Variants in GLCCI1 observed in about 807,000 individuals in gnomAD.
GLCCI1 encodes glucocorticoid-induced transcript 1 protein.
Under a neutral mutation model 52.2 loss-of-function variants are expected in GLCCI1, and 24 were observed. The observed-to-expected ratio is 0.46, with a 90% CI of 0.33 to 0.65. The LOEUF is 0.65. Ranked by LOEUF, GLCCI1 falls within the 30% of genes least tolerant of loss-of-function variation. The pLI is 0.02. For synonymous variants in GLCCI1, 310 were observed against 276.5 expected (o/e 1.12, Z -1.20); for missense variants, 704 against 701.5 (o/e 1.00, Z -0.04).
chr7:8,044,514 G>C (rs1782077636), intron 3 of GLCCI1, among the ~76,000 whole-genome samples: 1 of 151,930 alleles, frequency 6.6e-6, no homozygotes, highest in Non-Finnish European at 1.5e-5. Context: ...GGGACTATAG[G>C]CATATGCCAC....
At chr7:8,072,167 T>G (rs1371693392) in intron 6 of GLCCI1, among the ~76,000 whole-genome samples, 1 of 152,208 alleles carries the variant, frequency 6.6e-6, no homozygotes, top group East Asian at 1.9e-4. Flanking sequence ...AGTAACCACT[T>G]TGCTGACTTC....
At chr7:8,054,531 C>G (rs1312377035) in intron 3 of GLCCI1, among the ~76,000 whole-genome samples, 1 of 152,100 alleles carries the variant, frequency 6.6e-6, no homozygotes, top group Non-Finnish European at 1.5e-5. Context: ...GACCTATATA[C>G]TTTTACCCTT....
At chr7:8,053,537 G>A (rs1397942433) in intron 3 of GLCCI1, among the ~76,000 whole-genome samples, 3 of 146,160 alleles carry the variant, frequency 2.1e-5, no homozygotes, top group Non-Finnish European at 3.0e-5. Context: ...GTTTCGCCAT[G>A]TTGGCCAGGC....
chr7:8,039,033 G>C (rs147826395), intron 3 of GLCCI1, among the ~76,000 whole-genome samples: 45 of 152,180 alleles, frequency 3.0e-4, no homozygotes, highest in African/African-American at 1.0e-3. Context: ...CTAATTATCA[G>C]AGAAATGCAA....
In GLCCI1 at chr7:7,992,470, T is replaced by A. The variant is rs183618706; in HGVS notation, c.458-11438T>A. ...CAATATTCCGTAAGTTCTTGCTAGT[T>A]ATGTAGCAAGAACTCAGATATAGCT... On this transcript the variant is annotated intron_variant, in intron 1 of 7. Coordinates refer to ENST00000223145, the MANE Select transcript of GLCCI1 (RefSeq NM_138426.4). 2.2e-4 allele frequency among the ~76,000 whole-genome samples: 34 copies of A among 152,202 alleles called. No individual in the cohort carries two copies. In the East Asian group the frequency reaches 6.2e-3, roughly 28 times the overall value.
chr7:8,064,837 A>G (rs1430147644), intron 5 of GLCCI1, among the ~76,000 whole-genome samples: 2 of 152,132 alleles, frequency 1.3e-5, no homozygotes, highest in African/African-American at 4.8e-5. Flanking sequence ...CCTCCCGAGC[A>G]GCTGGCACTA....
At chr7:8,049,069 A>AT (rs1328317694) in intron 3 of GLCCI1, among the ~76,000 whole-genome samples, 3 of 152,244 alleles carry the variant, frequency 2.0e-5, no homozygotes, top group Non-Finnish European at 4.4e-5. Context: ...GGAAAGAAGA[A>AT]TAAAATCACA....
At chr7:8,041,783 G>A (rs951701228) in intron 3 of GLCCI1, among the ~76,000 whole-genome samples, 2 of 151,846 alleles carry the variant, frequency 1.3e-5, no homozygotes, top group Non-Finnish European at 2.9e-5. Flanking sequence ...GTAGAGACAA[G>A]GTCTCATTAT....
chr7:8,016,839 C>T (rs1051396726), intron 2 of GLCCI1, among the ~76,000 whole-genome samples: 6 of 151,954 alleles, frequency 3.9e-5, no homozygotes, highest in Non-Finnish European at 7.4e-5. Context: ...TTACTGTTAC[C>T]GGGTTTAAAT....
intron 1 of GLCCI1, among the ~76,000 whole-genome samples, chr7:7,976,101 GGGTTGAA>G: frequency 6.6e-6 from 1 of 152,126 alleles, no homozygotes; most frequent in South Asian, 2.1e-4. Context: ...TGCAATTTGT[GGGTTGAA>G]CAGTGTACGT....
chr7:7,979,077 G>A (rs977095944), intron 1 of GLCCI1, among the ~76,000 whole-genome samples: 2 of 152,120 alleles, frequency 1.3e-5, no homozygotes, highest in Admixed American at 6.5e-5. Context: ...TAAGTGTCTA[G>A]GACTTAACTA....
rs117786834 is a variant in GLCCI1, at chr7:7,990,781, A to G, written c.458-13127A>G. ...GCTACATATTTGATTCTTTGGTGTC[A>G]ATATATATGAAAGTAAATGCTAGAA... On this transcript the variant is annotated intron_variant, in intron 1 of 7. Transcript: ENST00000223145. 2.8e-4 allele frequency among the ~76,000 whole-genome samples: 43 copies of G among 152,246 alleles called. No homozygotes were observed. The East Asian group carries it at 8.3e-3, about 29-fold the overall frequency.
intron 3 of GLCCI1, among the ~76,000 whole-genome samples, chr7:8,048,128 T>C (rs1338652796): frequency 6.6e-6 from 1 of 152,238 alleles, no homozygotes; most frequent in Non-Finnish European, 1.5e-5. Context: ...AAGAGAGTTT[T>C]ACTTTTTCTG....
At chr7:7,973,874 T>C (rs1275287456) in intron 1 of GLCCI1, among the ~76,000 whole-genome samples, 1 of 152,120 alleles carries the variant, frequency 6.6e-6, no homozygotes, top group Non-Finnish European at 1.5e-5. Flanking sequence ...GTCATTTTTA[T>C]ACTGTGCTCA....
intron 6 of GLCCI1, among the ~76,000 whole-genome samples, chr7:8,071,678 T>C (rs1349540967): frequency 6.6e-6 from 1 of 152,194 alleles, no homozygotes; most frequent in Non-Finnish European, 1.5e-5. Flanking sequence ...CAAGCCCAAC[T>C]GTCTCTCCAT....
chr7:8,060,188 A>G lies in GLCCI1; in HGVS notation c.906A>G (p.Ile302Met). ...VSRVPCNVEG[I>M]SPELEKVFIK... ...GTGTGCCCTGCAATGTAGAAGGAAT[A>G]AGTCCTGAATTAGAAAAGGTATTCA... Residue 302 changes from isoleucine (I) to methionine (M), a missense_variant, in exon 5 of 8, where the codon ATA (isoleucine) becomes ATG (methionine). Physicochemically the swap from Ile to Met is conservative, Grantham distance 10 (BLOSUM62 1). Coordinates refer to ENST00000223145, the MANE Select transcript of GLCCI1 (RefSeq NM_138426.4). 6.2e-7 allele frequency: 1 copy of G among 1,612,822 alleles called. No homozygotes were observed. The highest frequency in any genetic ancestry group is 8.5e-7 in the Non-Finnish European group (1 of 1,178,850).
At chr7:8,005,307 AAAG>A (rs1213958008) in intron 2 of GLCCI1, among the ~76,000 whole-genome samples, 1 of 152,202 alleles carries the variant, frequency 6.6e-6, no homozygotes, top group Non-Finnish European at 1.5e-5. Context: ...ATAGAGTATG[AAAG>A]AAGAAGGTCA....
intron 3 of GLCCI1, among the ~76,000 whole-genome samples, chr7:8,044,890 G>T (rs1782087637): frequency 6.6e-6 from 1 of 152,146 alleles, no homozygotes; most frequent in African/African-American, 2.4e-5. Context: ...AGAAAAAAAA[G>T]TCTTGGTGAT....
intron 5 of GLCCI1, among the ~76,000 whole-genome samples, chr7:8,068,823 A>T (rs184290748): frequency 5.3e-5 from 8 of 152,282 alleles, no homozygotes; most frequent in African/African-American, 1.9e-4. Context: ...GGATGTTTTT[A>T]GAGTCTGAGG....
Sources: gnomAD v4.1 joint callset for allele counts (sites outside exome capture counted in the v4.1 genomes callset) on GRCh38, gnomAD v4.1.1 for gene constraint, MANE v1.5 for transcripts, NCBI Gene and HGNC (gene_info 2026-07-23, HGNC 2026-07-21) for gene names.